SYT14: variants seen among roughly 807,000 people sequenced by gnomAD.
SYT14 encodes the protein synaptotagmin-14.
Under a neutral mutation model 74.2 loss-of-function variants are expected in SYT14, and 32 were observed. The observed-to-expected ratio is 0.43, with a 90% confidence interval of 0.33 to 0.58. SYT14 has a LOEUF of 0.58. SYT14 is among the 20% of genes least tolerant of loss of function. The probability of loss-of-function intolerance (pLI) is 0.05; values close to 1 mark genes in which losing one functional copy is unlikely to be tolerated. For missense variants in SYT14, 791 were observed against 981.8 expected (o/e 0.81, Z 2.60); for synonymous variants, 298 against 337.7 (o/e 0.88, Z 1.29).
intron 7 of SYT14, among the ~76,000 whole-genome samples, chr1:210,111,055 C>T (rs759064631): frequency 2.0e-5 from 3 of 152,144 alleles, no homozygotes; most frequent in Non-Finnish European, 4.4e-5. Context: ...AACCATTTAA[C>T]TTATCTATGT....
chr1:210,045,346 T>G (rs1472762148), intron 5 of SYT14, among the ~76,000 whole-genome samples: 1 of 152,200 alleles, frequency 6.6e-6, no homozygotes, highest in Non-Finnish European at 1.5e-5. Context: ...ATGAGATGCT[T>G]TGAATGTAGT....
chr1:210,017,141 T>C (rs1379861457), intron 4 of SYT14: 1 of 1,074,222 alleles, frequency 9.3e-7, no homozygotes, highest in African/African-American at 4.2e-5. Flanking sequence ...AAATTTTCTC[T>C]TGATTTTTTT....
chr1:210,012,206 T>C (rs2080098761), intron 2 of SYT14, among the ~76,000 whole-genome samples: 1 of 152,222 alleles, frequency 6.6e-6, no homozygotes, highest in Non-Finnish European at 1.5e-5. Context: ...AAAAGTTTTC[T>C]TGATCTTTCA....
In SYT14 at chr1:210,121,619, T is replaced by C. The variant is rs370083321; in HGVS notation, c.2034+21158T>C. ...ACCATCCTGGCTAACATGGTGAAAC[T>C]CTGTCTCTACTAAAAATACAAAAAA... On this transcript the variant is annotated intron_variant, in intron 7 of 9. Coordinates refer to ENST00000637265, the Ensembl canonical transcript of SYT14. Among the ~76,000 whole-genome samples, 68 of 151,884 alleles carry C rather than the reference T, an allele frequency of 4.5e-4. No homozygotes were observed. The South Asian group carries it at 5.8e-3, about 13-fold the overall frequency.
chr1:209,981,825 G>A (rs546922484), intron 2 of SYT14, among the ~76,000 whole-genome samples: 9 of 152,160 alleles, frequency 5.9e-5, no homozygotes, highest in Admixed American at 3.9e-4. Context: ...AGTTTCTGCC[G>A]AGAGGCCTGC....
chr1:210,091,366 A>G (rs2081863790), intron 5 of SYT14, among the ~76,000 whole-genome samples: 1 of 152,226 alleles, frequency 6.6e-6, no homozygotes, highest in Admixed American at 6.5e-5. Flanking sequence ...GAGGAAAAAT[A>G]TAACCACAGG....
At chr1:210,165,285 A>G (rs1219692787) in exon 10 of SYT14, 2 of 152,148 alleles carry the variant, frequency 1.3e-5, no homozygotes, top group Non-Finnish European at 2.9e-5. Flanking sequence ...CCTTGATTGA[A>G]TGGCAGAACT....
intron 4 of SYT14, among the ~76,000 whole-genome samples, chr1:210,020,322 T>A (rs965709448): frequency 3.9e-5 from 6 of 152,332 alleles, no homozygotes; most frequent in African/African-American, 1.4e-4. Context: ...TGCCATTAAA[T>A]ACAGTGCAGT....
At chr1:210,138,892 A>G (rs1311466141) in intron 7 of SYT14, among the ~76,000 whole-genome samples, 3 of 152,222 alleles carry the variant, frequency 2.0e-5, no homozygotes, top group Non-Finnish European at 2.9e-5. Context: ...TATACATAAA[A>G]TAAAACACAA....
intron 5 of SYT14, among the ~76,000 whole-genome samples, chr1:210,051,180 ACG>A (rs1290061736): frequency 1.3e-5 from 2 of 152,214 alleles, no homozygotes; most frequent in Non-Finnish European, 2.9e-5. Context: ...GCTCAGTCCT[ACG>A]ATACATATAA....
At chr1:209,997,590 A>ACT (rs2079821781) in intron 2 of SYT14, among the ~76,000 whole-genome samples, 1 of 152,088 alleles carries the variant, frequency 6.6e-6, no homozygotes, top group Non-Finnish European at 1.5e-5. Context: ...TACCAATGTA[A>ACT]TTCTTCACAG....
intron 2 of SYT14, among the ~76,000 whole-genome samples, chr1:209,992,203 C>T (rs747087017): frequency 5.9e-5 from 9 of 151,946 alleles, no homozygotes; most frequent in Non-Finnish European, 1.0e-4. Context: ...TGGAGTGCAG[C>T]GGCACGATCA....
chr1:209,970,710 G>T (rs2079240630), intron 2 of SYT14, among the ~76,000 whole-genome samples: 2 of 95,926 alleles, frequency 2.1e-5, no homozygotes, highest in African/African-American at 4.0e-5. Flanking sequence ...TTGAGGCAGA[G>T]TCTCACTCTT....
chr1:210,157,909 T>A (rs909444626), intron 8 of SYT14, among the ~76,000 whole-genome samples: 4 of 152,136 alleles, frequency 2.6e-5, no homozygotes, highest in Admixed American at 2.6e-4. Flanking sequence ...CCAAATAACA[T>A]TGGAAAGCTT....
chr1:210,165,717 CT>C (rs1160542852), exon 10 of SYT14: 1 of 152,148 alleles, frequency 6.6e-6, no homozygotes, highest in African/African-American at 2.4e-5. Context: ...TCTCTTCCCC[CT>C]AGGTAAGTAG....
rs149662948 is a variant in SYT14, at chr1:209,994,340, A to G, written c.-485-19293A>G. 3.3e-5 allele frequency among the ~76,000 whole-genome samples: 5 copies of G among 152,322 alleles called. No homozygotes were observed. The East Asian group carries it at 9.6e-4, about 29-fold the overall frequency. On this transcript the variant is annotated intron_variant, in intron 2 of 9. Transcript: ENST00000637265. Reference sequence around the variant, plus strand: ...CTGAAGAACTCACTACAAAAATTTTATAATACAATCAGAAGTATTAACAGC... The same window carrying G: ...CTGAAGAACTCACTACAAAAATTTTGTAATACAATCAGAAGTATTAACAGC...
chr1:210,122,516 T>C (rs1398373770), intron 7 of SYT14, among the ~76,000 whole-genome samples: 1 of 152,132 alleles, frequency 6.6e-6, no homozygotes, highest in African/African-American at 2.4e-5. Flanking sequence ...TACATTTCAT[T>C]GTCTAAAGCA....
In SYT14 at chr1:210,034,128, G is replaced by A. The variant is rs183289125; in HGVS notation, c.1312+12874G>A. 1.4e-4 allele frequency among the ~76,000 whole-genome samples: 22 copies of A among 151,762 alleles called. No individual in the cohort carries two copies. In the East Asian group the frequency reaches 1.7e-3, roughly 12 times the overall value. Reference sequence around the variant, plus strand: ...AACTAATTTAATCTTCATAATAACCGTTAAGAGACAAGTTCTGTTAGTGTC... The same window carrying A: ...AACTAATTTAATCTTCATAATAACCATTAAGAGACAAGTTCTGTTAGTGTC... On this transcript the variant is annotated intron_variant, in intron 5 of 9. Transcript: ENST00000637265.
chr1:210,091,133 G>T (rs905087225), intron 5 of SYT14, among the ~76,000 whole-genome samples: 2 of 152,120 alleles, frequency 1.3e-5, no homozygotes, highest in Non-Finnish European at 2.9e-5. Flanking sequence ...AACCCATTTT[G>T]TGTAACTTGT....
Sources: allele counts gnomAD v4.1 joint callset (sites outside exome capture counted in the v4.1 genomes callset), GRCh38; gene constraint gnomAD v4.1.1; transcripts MANE v1.5; gene names NCBI Gene and HGNC (gene_info 2026-07-23, HGNC 2026-07-21).